Variants in LRRTM4 observed in about 807,000 individuals in gnomAD.
The protein encoded by LRRTM4 is leucine rich repeat transmembrane neuronal 4, also known as leucine-rich repeat transmembrane neuronal protein 4.
In LRRTM4, 25 loss-of-function variants were observed where a neutral mutation model predicts 47.6. The observed-to-expected ratio is 0.53, with a 90% CI of 0.38 to 0.73. The LOEUF is 0.73. Among genes scored for constraint, LRRTM4 ranks in the 30% least tolerant of loss-of-function variants. The pLI is 0.00. For missense variants in LRRTM4, 638 were observed against 713.4 expected (o/e 0.89, Z 1.20); for synonymous variants, 311 against 269.5 (o/e 1.15, Z -1.51).
intron 3 of LRRTM4, among the ~76,000 whole-genome samples, chr2:77,175,283 A>G (rs756588747): frequency 2.6e-5 from 4 of 151,940 alleles, no homozygotes; most frequent in Non-Finnish European, 5.9e-5. Context: ...TGTCTGACAT[A>G]ATGTAAAAGA....
intron 3 of LRRTM4, among the ~76,000 whole-genome samples, chr2:77,480,254 G>T (rs555411177): frequency 4.3e-4 from 65 of 152,044 alleles, no homozygotes; most frequent in Non-Finnish European, 8.4e-4. Flanking sequence ...CAAGTAAAAG[G>T]AACTACAGAG....
At chr2:77,173,414 T>C (rs1673108791) in intron 3 of LRRTM4, among the ~76,000 whole-genome samples, 1 of 152,176 alleles carries the variant, frequency 6.6e-6, no homozygotes, top group South Asian at 2.1e-4. Context: ...CTCTCATTTC[T>C]AACATCTTCT....
chr2:77,434,890 T>C (rs1403639537), intron 3 of LRRTM4, among the ~76,000 whole-genome samples: 2 of 152,224 alleles, frequency 1.3e-5, no homozygotes, highest in East Asian at 3.9e-4. Flanking sequence ...GTGATGTTGG[T>C]GAGTGAATAT....
intron 3 of LRRTM4, among the ~76,000 whole-genome samples, chr2:77,207,278 A>T (rs1674154502): frequency 6.8e-6 from 1 of 146,318 alleles, no homozygotes; most frequent in African/African-American, 2.5e-5. Context: ...ACATATATGT[A>T]TATGTGTGTG....
chr2:77,472,873 TAAAC>T, intron 3 of LRRTM4, among the ~76,000 whole-genome samples: 1 of 152,220 alleles, frequency 6.6e-6, no homozygotes, highest in African/African-American at 2.4e-5. Context: ...ATGAATGAAT[TAAAC>T]AAGTCAATAT....
intron 3 of LRRTM4, among the ~76,000 whole-genome samples, chr2:76,838,247 A>G (rs1201942777): frequency 6.6e-6 from 1 of 152,024 alleles, no homozygotes; most frequent in African/African-American, 2.4e-5. Context: ...TTACATCACC[A>G]TAAGAAATAA....
chr2:77,406,932 G>A (rs1343705866), intron 3 of LRRTM4, among the ~76,000 whole-genome samples: 1 of 152,140 alleles, frequency 6.6e-6, no homozygotes, highest in Admixed American at 6.6e-5. Context: ...ATACTGCCCA[G>A]TGCCCAGGGA....
chr2:77,038,676 T>G lies in LRRTM4; in HGVS notation c.1552-289760A>C, dbSNP rs1050143376. The stretch of plus-strand genomic sequence containing the variant: ...TTCTTGTCCCCTAGTTTTAGTCTCC[T>G]TCTGCCATTTTGCAAAGCCAGATTT... On this transcript the variant is annotated intron_variant, in intron 3 of 3. Transcript: ENST00000409884. Among the ~76,000 whole-genome samples, 7 of 151,644 alleles carry G rather than the reference T, an allele frequency of 4.6e-5. No homozygotes were observed. In the South Asian group the frequency reaches 8.3e-4, roughly 18 times the overall value.
At chr2:77,515,733 A>G (rs1679181931) in intron 3 of LRRTM4, among the ~76,000 whole-genome samples, 1 of 151,850 alleles carries the variant, frequency 6.6e-6, no homozygotes, top group Non-Finnish European at 1.5e-5. Context: ...TATTCCAAAA[A>G]CATTGTAAAG....
At chr2:76,770,231 T>C (rs904540707) in intron 3 of LRRTM4, among the ~76,000 whole-genome samples, 2 of 152,232 alleles carry the variant, frequency 1.3e-5, no homozygotes, top group Non-Finnish European at 2.9e-5. Flanking sequence ...AAATAGATCA[T>C]GGTTGCTATA....
At chr2:76,851,544 G>A (rs72819247) in intron 3 of LRRTM4, among the ~76,000 whole-genome samples, 4,121 of 151,822 alleles carry the variant, frequency 0.027, 98 homozygotes, top group East Asian at 0.065. Flanking sequence ...CCAACGAGAA[G>A]GAAGCACAGG....
intron 3 of LRRTM4, among the ~76,000 whole-genome samples, chr2:77,091,009 G>C (rs1314630465): frequency 6.6e-6 from 1 of 151,980 alleles, no homozygotes; most frequent in Non-Finnish European, 1.5e-5. Flanking sequence ...CTCCAGAACT[G>C]TTGTGGGTAT....
At chr2:77,477,890 AG>A (rs1246951774) in intron 3 of LRRTM4, among the ~76,000 whole-genome samples, 3 of 134,328 alleles carry the variant, frequency 2.2e-5, no homozygotes, top group East Asian at 2.2e-4. Flanking sequence ...AGAGAAAGAA[AG>A]AAAAAGAAAG....
chr2:76,959,006 G>T (rs1474545346), intron 3 of LRRTM4, among the ~76,000 whole-genome samples: 1 of 151,504 alleles, frequency 6.6e-6, no homozygotes, highest in African/African-American at 2.4e-5. Flanking sequence ...CACGGTCATT[G>T]TTTTTCGGAA....
intron 3 of LRRTM4, among the ~76,000 whole-genome samples, chr2:77,477,110 AAGAG>A (rs1322907525): frequency 1.3e-5 from 2 of 152,002 alleles, no homozygotes; most frequent in East Asian, 3.9e-4. Context: ...GCAAGAGGAC[AAGAG>A]AGAGATAGGA....
chr2:77,451,195 TA>T (rs1676241680), intron 3 of LRRTM4, among the ~76,000 whole-genome samples: 1 of 152,220 alleles, frequency 6.6e-6, no homozygotes, highest in South Asian at 2.1e-4. Context: ...ATCTCGCTAA[TA>T]AATTTATTGA....
intron 3 of LRRTM4, among the ~76,000 whole-genome samples, chr2:77,134,956 A>C (rs1671894013): frequency 6.6e-6 from 1 of 151,330 alleles, no homozygotes; most frequent in Middle Eastern, 3.2e-3. Flanking sequence ...TTATTTAGAA[A>C]GAGGATAAAA....
intron 3 of LRRTM4, among the ~76,000 whole-genome samples, chr2:77,114,859 C>G (rs533926180): frequency 2.0e-5 from 3 of 152,130 alleles, no homozygotes; most frequent in African/African-American, 7.2e-5. Flanking sequence ...ATAAAGATCA[C>G]GAGGCAAGGC....
intron 3 of LRRTM4, among the ~76,000 whole-genome samples, chr2:76,956,095 C>T (rs1675666985): frequency 6.7e-6 from 1 of 150,046 alleles, no homozygotes; most frequent in African/African-American, 2.4e-5. Flanking sequence ...TTAGATTTAA[C>T]AACACACATT....
Sources: allele counts gnomAD v4.1 joint callset (sites outside exome capture counted in the v4.1 genomes callset), GRCh38; gene constraint gnomAD v4.1.1; transcripts MANE v1.5; gene names NCBI Gene and HGNC (gene_info 2026-07-23, HGNC 2026-07-21).